WWTR1: variants seen among roughly 807,000 people sequenced by gnomAD.
WWTR1 encodes WW domain containing transcription regulator 1, also known as WW domain-containing transcription regulator protein 1.
Under a neutral mutation model 40.1 loss-of-function variants are expected in WWTR1, and 13 were observed. That is an observed-to-expected ratio of 0.32 (90% CI 0.21 to 0.52). The LOEUF is 0.52. Among genes scored for constraint, WWTR1 ranks in the 20% least tolerant of loss-of-function variants. WWTR1 has a pLI of 0.97. For missense variants in WWTR1, 436 were observed against 523.1 expected (o/e 0.83, Z 1.63); for synonymous variants, 230 against 210.1 (o/e 1.09, Z -0.82).
In WWTR1 at chr3:149,672,734, T is replaced by C. The variant is rs73000046; in HGVS notation, c.-107-2843A>G. Among the ~76,000 whole-genome samples, 1,005 of 151,714 alleles carry C rather than the reference T, an allele frequency of 6.6e-3. 11 individuals are homozygous for C. Among genetic ancestry groups the C allele is most frequent in the African/African-American group, 0.023 (962 of 41,484 alleles). On this transcript the variant is annotated intron_variant, in intron 1 of 7. Transcript: ENST00000465804. ...TAAATGTTTATATAAAAAATCTTTCTATAAAAAGATATATAAGAGGATGGA... is the reference window on the plus strand; with the variant it reads ...TAAATGTTTATATAAAAAATCTTTCCATAAAAAGATATATAAGAGGATGGA...
chr3:149,642,164 T>C (rs1052570805), intron 2 of WWTR1, among the ~76,000 whole-genome samples: 18 of 152,302 alleles, frequency 1.2e-4, no homozygotes, highest in African/African-American at 3.9e-4. Flanking sequence ...CTCACACCTG[T>C]AATCCCAGCA....
chr3:149,718,179 A>G (rs1715657243), intron 4 of WWTR1, among the ~76,000 whole-genome samples: 1 of 152,188 alleles, frequency 6.6e-6, no homozygotes, highest in Non-Finnish European at 1.5e-5. Context: ...ATAGTGTCCC[A>G]TCTTCTCATT....
intron 2 of WWTR1, among the ~76,000 whole-genome samples, chr3:149,577,834 A>C (rs776071368): frequency 1.6e-4 from 25 of 151,970 alleles, no homozygotes; most frequent in Non-Finnish European, 3.2e-4. Context: ...CCCTCCCCTC[A>C]GACTGGCCTC....
intron 2 of WWTR1, among the ~76,000 whole-genome samples, chr3:149,594,986 G>A (rs1276731240): frequency 5.0e-5 from 5 of 100,706 alleles, no homozygotes; most frequent in African/African-American, 1.2e-4. Flanking sequence ...TTTTTGAGAC[G>A]GAGTGTCGCT....
At chr3:149,533,314 T>G (rs1735676093) in intron 4 of WWTR1, among the ~76,000 whole-genome samples, 1 of 152,182 alleles carries the variant, frequency 6.6e-6, no homozygotes, top group Non-Finnish European at 1.5e-5. Flanking sequence ...ACTGAAATCT[T>G]TTCAAAGAGT....
At chr3:149,695,453 A>G (rs1382189614) in intron 1 of WWTR1, among the ~76,000 whole-genome samples, 1 of 152,152 alleles carries the variant, frequency 6.6e-6, no homozygotes, top group African/African-American at 2.4e-5. Flanking sequence ...TACTCATAAA[A>G]ATTAAAAATA....
At chr3:149,689,380 C>CAAAAAAAAA (rs3044083) in intron 1 of WWTR1, among the ~76,000 whole-genome samples, 16 of 36,696 alleles carry the variant, frequency 4.4e-4, no homozygotes, top group Non-Finnish European at 5.8e-4. Context: ...GAACCTATCT[C>CAAAAAAAAA]AAAAAAAAAA....
chr3:149,574,493 T>C (rs1014963305), intron 2 of WWTR1, among the ~76,000 whole-genome samples: 1 of 152,138 alleles, frequency 6.6e-6, no homozygotes, highest in Admixed American at 6.5e-5. Flanking sequence ...AAAAGGAGCA[T>C]GATTGTTGTT....
intron 1 of WWTR1, among the ~76,000 whole-genome samples, chr3:149,692,166 A>AAG (rs79335139): frequency 6.6e-6 from 1 of 151,720 alleles, no homozygotes; most frequent in African/African-American, 2.4e-5. Context: ...TAAAAAAAAA[A>AAG]AGAGAGAAAG....
intron 1 of WWTR1, among the ~76,000 whole-genome samples, chr3:149,701,415 C>A (rs1047093934): frequency 1.3e-5 from 2 of 152,140 alleles, no homozygotes. Context: ...TGCCCCTGAG[C>A]CCTATTTCCT....
intron 5 of WWTR1, among the ~76,000 whole-genome samples, chr3:149,711,934 T>C (rs1715486763): frequency 6.6e-6 from 1 of 152,208 alleles, no homozygotes; most frequent in Non-Finnish European, 1.5e-5. Flanking sequence ...TATTTATTGT[T>C]ACTTACCTCT....
intron 3 of WWTR1, among the ~76,000 whole-genome samples, chr3:149,568,861 G>A (rs1008913181): frequency 6.6e-6 from 1 of 152,194 alleles, no homozygotes; most frequent in African/African-American, 2.4e-5. Flanking sequence ...CCGCCTCCCG[G>A]GTTCACGCCA....
chr3:149,560,644 A>C (rs1222466144), intron 3 of WWTR1, among the ~76,000 whole-genome samples: 5 of 151,836 alleles, frequency 3.3e-5, no homozygotes, highest in Non-Finnish European at 5.9e-5. Flanking sequence ...AGCCACATTA[A>C]TTTTTTTTTA....
At chr3:149,634,510 C>A (rs1047908815) in intron 2 of WWTR1, among the ~76,000 whole-genome samples, 1 of 152,196 alleles carries the variant, frequency 6.6e-6, no homozygotes, top group Admixed American at 6.5e-5. Context: ...TCCTAAGGTT[C>A]TGGGAAGAAT....
chr3:149,587,636 T>C (rs752423537), intron 2 of WWTR1, among the ~76,000 whole-genome samples: 1 of 152,220 alleles, frequency 6.6e-6, no homozygotes, highest in Non-Finnish European at 1.5e-5. Context: ...TTAATTCAAC[T>C]GGCAACCTCC....
chr3:149,647,215 G>A (rs1165940171), intron 2 of WWTR1, among the ~76,000 whole-genome samples: 1 of 152,134 alleles, frequency 6.6e-6, no homozygotes, highest in Non-Finnish European at 1.5e-5. Flanking sequence ...CTGGAGGAGA[G>A]TGAAAGAAAG....
intron 2 of WWTR1, among the ~76,000 whole-genome samples, chr3:149,580,574 C>A (rs1043113321): frequency 6.6e-6 from 1 of 152,158 alleles, no homozygotes; most frequent in Non-Finnish European, 1.5e-5. Context: ...ACTAGCAACC[C>A]GACCTGATCA....
intron 2 of WWTR1, among the ~76,000 whole-genome samples, chr3:149,646,474 T>C (rs1488559807): frequency 6.6e-6 from 1 of 152,226 alleles, no homozygotes; most frequent in African/African-American, 2.4e-5. Flanking sequence ...TCAACTTCTC[T>C]ATCTAGCTCT....
intron 4 of WWTR1, among the ~76,000 whole-genome samples, chr3:149,718,230 A>G (rs1223698895): frequency 6.6e-6 from 1 of 152,086 alleles, no homozygotes. Flanking sequence ...CACCACATCA[A>G]ACTTGGAATT....
Sources: allele counts gnomAD v4.1 joint callset (sites outside exome capture counted in the v4.1 genomes callset), GRCh38; gene constraint gnomAD v4.1.1; transcripts MANE v1.5; gene names NCBI Gene and HGNC (gene_info 2026-07-23, HGNC 2026-07-21).